Variants in HS3ST4 observed in about 807,000 individuals in gnomAD.
The protein encoded by HS3ST4 is heparan sulfate-glucosamine 3-sulfotransferase 4.
Under a neutral mutation model 29.2 loss-of-function variants are expected in HS3ST4, and 17 were observed. That is an observed-to-expected ratio of 0.58 (90% CI 0.40 to 0.87). HS3ST4 has a LOEUF of 0.87. Ranked by LOEUF, HS3ST4 falls within the 40% of genes least tolerant of loss-of-function variation. HS3ST4 has a pLI of 0.00. For synonymous variants in HS3ST4, 314 were observed against 285.7 expected (o/e 1.10, Z -1.00); for missense variants, 627 against 634.5 (o/e 0.99, Z 0.13).
intron 1 of HS3ST4, among the ~76,000 whole-genome samples, chr16:25,712,806 A>C (rs1175831319): frequency 2.6e-5 from 4 of 152,210 alleles, no homozygotes; most frequent in African/African-American, 7.2e-5. Context: ...GGCTGCTGTA[A>C]CAGAACACAA....
chr16:25,884,785 C>T (rs1049585629), intron 1 of HS3ST4, among the ~76,000 whole-genome samples: 3 of 152,082 alleles, frequency 2.0e-5, no homozygotes, highest in Admixed American at 6.5e-5. Flanking sequence ...AGGCTGGTCT[C>T]GAACTTCTGA....
rs139013734 is a variant in HS3ST4, at chr16:25,931,747, T to C, written c.735-203865T>C. 3.9e-3 allele frequency among the ~76,000 whole-genome samples: 598 copies of C among 152,342 alleles called. 6 individuals are homozygous for C. The highest frequency in any genetic ancestry group is 0.014 in the African/African-American group (566 of 41,590). The stretch of plus-strand genomic sequence containing the variant: ...ACAGAAAGGGAGTCTGTTATTAAAA[T>C]GCAGAATTCGTTTAAGTCCTTTGGT... On this transcript the variant is annotated intron_variant, in intron 1 of 1. Transcript: ENST00000331351.
intron 1 of HS3ST4, among the ~76,000 whole-genome samples, chr16:25,828,303 TC>T (rs1567249537): frequency 0.014 from 912 of 64,774 alleles, 50 homozygotes; most frequent in Middle Eastern, 0.02. Flanking sequence ...TTTCTTTCCC[TC>T]TCTCTCTCTC....
At chr16:25,825,894 G>T (rs939944951) in intron 1 of HS3ST4, 1 of 152,230 alleles carries the variant, frequency 6.6e-6, no homozygotes, top group African/African-American at 2.4e-5. Flanking sequence ...TGGAATAGTT[G>T]TGACAGGTGG....
At chr16:25,700,333 G>A (rs1031916456) in intron 1 of HS3ST4, among the ~76,000 whole-genome samples, 6 of 152,126 alleles carry the variant, frequency 3.9e-5, no homozygotes, top group Non-Finnish European at 8.8e-5. Flanking sequence ...CACTTGCCCC[G>A]GGTAAGTTCA....
At chr16:26,045,715 C>T (rs564184132) in intron 1 of HS3ST4, among the ~76,000 whole-genome samples, 11 of 152,278 alleles carry the variant, frequency 7.2e-5, no homozygotes, top group Admixed American at 4.6e-4. Flanking sequence ...CTATTGTTCA[C>T]GAATTTTCCA....
At chr16:25,735,990 T>G (rs761027223) in intron 1 of HS3ST4, among the ~76,000 whole-genome samples, 1 of 152,202 alleles carries the variant, frequency 6.6e-6, no homozygotes, top group South Asian at 2.1e-4. Flanking sequence ...GATCAAATTC[T>G]TTGTTTATTA....
rs542274531 is a variant in HS3ST4, at chr16:25,911,496, GTTTTT to G, written c.734+218369_734+218373del. 2.6e-3 allele frequency among the ~76,000 whole-genome samples: 213 copies of G among 82,006 alleles called. 2 individuals carry two copies. The highest frequency in any genetic ancestry group is 2.8e-3 in the East Asian group (6 of 2,142). 53.8% of individuals were successfully genotyped at this position (82,006 alleles called of 152,430 possible). Reference sequence around the variant, plus strand: ...GAGGGAGGTGGTGTTCCGTTGTGTGGTTTTTTTTTTTTTTTTTTTTTTTTTTTTGG... The same window carrying G: ...GAGGGAGGTGGTGTTCCGTTGTGTGGTTTTTTTTTTTTTTTTTTTTTTTGG... On this transcript the variant is annotated intron_variant, in intron 1 of 1. Coordinates refer to ENST00000331351, the MANE Select transcript of HS3ST4 (RefSeq NM_006040.3).
rs536577122 is a variant in HS3ST4 at position 25,784,475 on chromosome 16, C to A, written c.734+91324C>A. On this transcript the variant is annotated intron_variant, in intron 1 of 1. Coordinates refer to ENST00000331351, the MANE Select transcript of HS3ST4 (RefSeq NM_006040.3). ...AGTTTTTGAAGGAAATTAAAAGTTC[C>A]ACTCCAGTGAACAAATGAATGATAA... 7.2e-5 allele frequency among the ~76,000 whole-genome samples: 11 copies of A among 152,280 alleles called. No homozygotes were observed. In the East Asian group the frequency reaches 1.9e-3, roughly 27 times the overall value.
At chr16:25,693,198 G>T in intron 1 of HS3ST4, 47 bp downstream of exon 1, 1 of 1,494,438 alleles carries the variant, frequency 6.7e-7, no homozygotes, top group Non-Finnish European at 8.9e-7. Context: ...TGGGGGAGAC[G>T]CGGAGGGGAA....
At chr16:26,096,480 C>G (rs920463537) in intron 1 of HS3ST4, among the ~76,000 whole-genome samples, 1 of 152,132 alleles carries the variant, frequency 6.6e-6, no homozygotes, top group Non-Finnish European at 1.5e-5. Flanking sequence ...ATAAAGAGAA[C>G]CAATGACAAA....
intron 1 of HS3ST4, among the ~76,000 whole-genome samples, chr16:25,834,905 C>T (rs1462485479): frequency 2.0e-5 from 3 of 152,108 alleles, no homozygotes; most frequent in Non-Finnish European, 4.4e-5. Context: ...TGAGATCGCA[C>T]CACTGCACTC....
At chr16:25,766,060 C>G (rs1966817259) in intron 1 of HS3ST4, among the ~76,000 whole-genome samples, 1 of 152,014 alleles carries the variant, frequency 6.6e-6, no homozygotes, top group Non-Finnish European at 1.5e-5. Context: ...ATCTGTTCTA[C>G]TCTGTCAGAG....
At chr16:26,125,364 A>G (rs1899327260) in intron 1 of HS3ST4, among the ~76,000 whole-genome samples, 1 of 152,188 alleles carries the variant, frequency 6.6e-6, no homozygotes, top group Admixed American at 6.5e-5. Context: ...TAAGGAGCAT[A>G]CAACCTAGAT....
chr16:25,956,569 C>T (rs969801861), intron 1 of HS3ST4, among the ~76,000 whole-genome samples: 1 of 152,162 alleles, frequency 6.6e-6, no homozygotes, highest in African/African-American at 2.4e-5. Flanking sequence ...CTCAAATACT[C>T]CTCCAAAAGA....
intron 1 of HS3ST4, among the ~76,000 whole-genome samples, chr16:25,936,482 A>C (rs1207766447): frequency 1.3e-5 from 2 of 152,246 alleles, no homozygotes; most frequent in Non-Finnish European, 2.9e-5. Context: ...TTCTCAAAAA[A>C]TGAGAAGAAA....
intron 1 of HS3ST4, among the ~76,000 whole-genome samples, chr16:25,984,431 C>G (rs962482949): frequency 6.6e-6 from 1 of 152,168 alleles, no homozygotes; most frequent in Non-Finnish European, 1.5e-5. Flanking sequence ...AGGTGGAGCT[C>G]AGGGGATAAT....
chr16:25,718,980 A>T (rs140781399), intron 1 of HS3ST4, among the ~76,000 whole-genome samples: 329 of 152,312 alleles, frequency 2.2e-3, no homozygotes, highest in African/African-American at 7.1e-3. Context: ...ATGTAGTTTG[A>T]TGGAAGTAAG....
chr16:25,902,802 A>G (rs763625593), intron 1 of HS3ST4, among the ~76,000 whole-genome samples: 5 of 151,748 alleles, frequency 3.3e-5, no homozygotes, highest in Admixed American at 6.6e-5. Context: ...CAAAAAAAAC[A>G]ACGTCTGGCG....
Sources: allele counts gnomAD v4.1 joint callset (sites outside exome capture counted in the v4.1 genomes callset), GRCh38; gene constraint gnomAD v4.1.1; transcripts MANE v1.5; gene names NCBI Gene and HGNC (gene_info 2026-07-23, HGNC 2026-07-21).